The following TMEM217 variants were observed in gnomAD, a reference collection of about 807,000 sequenced individuals.
TMEM217 encodes chromosome 6 open reading frame 128.
For missense variants in TMEM217, 204 were observed against 248.8 expected, an observed-to-expected ratio of 0.82 and a Z score of 1.21; for synonymous variants, 76 against 88.3, an observed-to-expected ratio of 0.86 and a Z score of 0.78.
At chr6:37,257,760 G>A (rs1747543624) in exon 1 of TMEM217, 1 of 745,948 alleles carries the variant, frequency 1.3e-6, no homozygotes, top group African/African-American at 1.8e-5. Context: ...GGTGCTGGGT[G>A]GAGGGGTGCC....
intron 1 of TMEM217, among the ~76,000 whole-genome samples, chr6:37,240,954 T>C (rs1764736697): frequency 6.6e-6 from 1 of 152,200 alleles, no homozygotes; most frequent in Non-Finnish European, 1.5e-5. Context: ...TATTGATTAT[T>C]CCTAAGGTTG....
rs767559934 is a variant in TMEM217 at position 37,246,022 on chromosome 6, G to A, written c.-12+11546C>T. ...TCTCCATGTTGGTCAGGCTGGTCTC[G>A]AACTCTTGACCTCAAGTGATCCACC... On this transcript the variant is annotated intron_variant, in intron 1 of 1. Transcript: ENST00000357219. Among the ~76,000 whole-genome samples the A allele has an allele frequency of 5.3e-5, 8 of 152,032 alleles. No homozygotes were observed. In the South Asian group the frequency reaches 1.5e-3, roughly 28 times the overall value.
chr6:37,232,418 C>T (rs926270641), intron 1 of TMEM217, among the ~76,000 whole-genome samples: 2 of 152,188 alleles, frequency 1.3e-5, no homozygotes, highest in African/African-American at 2.4e-5. Flanking sequence ...CGGAGTCTCG[C>T]TCTGTCGCCC....
At position 37,218,556 on chromosome 6, in the gene TMEM217, G is replaced by A. The variant is rs1763348129; in HGVS notation, c.475C>T (p.Gln159Ter). 1 of 1,614,142 alleles carries A rather than the reference G, an allele frequency of 6.2e-7. No individual in the cohort carries two copies. Reference sequence around the variant, plus strand: ...CTCTTGTAGGAAATTATATTGCCCTGGCTCCGGTTTTTGTAGGTTATGTGG... The same window carrying A: ...CTCTTGTAGGAAATTATATTGCCCTAGCTCCGGTTTTTGTAGGTTATGTGG... The change falls in exon 2 of 2, where the codon CAG (glutamine) becomes TAG (stop). Residue 159 changes from glutamine (Q) to a stop codon, truncating the protein, a stop_gained. Coordinates refer to ENST00000357219, the Ensembl canonical transcript of TMEM217. LOFTEE classifies it low-confidence loss of function (END_TRUNC).
At chr6:37,229,492 G>A (rs1223378130) in intron 1 of TMEM217, among the ~76,000 whole-genome samples, 1 of 151,762 alleles carries the variant, frequency 6.6e-6, no homozygotes, top group South Asian at 2.1e-4. Context: ...ACAGGCGCCC[G>A]CCACCACGCC....
At chr6:37,224,229 G>A (rs898193677) in intron 1 of TMEM217, among the ~76,000 whole-genome samples, 7 of 150,288 alleles carry the variant, frequency 4.7e-5, no homozygotes, top group Admixed American at 1.3e-4. Flanking sequence ...GTGAGCCACC[G>A]CGCCCGGCCT....
chr6:37,247,769 C>T (rs1004378611), intron 1 of TMEM217, among the ~76,000 whole-genome samples: 1 of 152,132 alleles, frequency 6.6e-6, no homozygotes, highest in African/African-American at 2.4e-5. Context: ...AGAATTATCC[C>T]CTGTAAGTGT....
upstream of TMEM217, chr6:37,258,139 C>G (rs1765890923): frequency 1.3e-6 from 1 of 751,286 alleles, no homozygotes; most frequent in Non-Finnish European, 2.1e-6. Context: ...AAGCGAACAG[C>G]GAGCTTTGGG....
intron 1 of TMEM217, among the ~76,000 whole-genome samples, chr6:37,242,027 T>G (rs1764792851): frequency 6.8e-6 from 1 of 147,188 alleles, no homozygotes; most frequent in Non-Finnish European, 1.5e-5. Context: ...TTTTTTTTTT[T>G]GCCTGCTCTT....
At chr6:37,232,488 C>G (rs569448803) in intron 1 of TMEM217, among the ~76,000 whole-genome samples, 1 of 152,314 alleles carries the variant, frequency 6.6e-6, no homozygotes, top group South Asian at 2.1e-4. Flanking sequence ...GGGGTTCACG[C>G]CATTCTCCTG....
chr6:37,257,570 G>C, exon 1 of TMEM217: 1 of 351,986 alleles, frequency 2.8e-6, no homozygotes, highest in Non-Finnish European at 5.3e-6. Context: ...TACCTTACCT[G>C]CTTCTTCCCT....
At chr6:37,254,127 GC>G (rs1562029271) in intron 1 of TMEM217, among the ~76,000 whole-genome samples, 1 of 152,222 alleles carries the variant, frequency 6.6e-6, no homozygotes, top group East Asian at 1.9e-4. Context: ...CCATGGATCA[GC>G]AGCATCAGTG....
chr6:37,215,597 A>AAAAAAAG (rs1561998656), downstream of TMEM217, among the ~76,000 whole-genome samples: 5 of 146,882 alleles, frequency 3.4e-5, no homozygotes, highest in African/African-American at 1.0e-4. Flanking sequence ...AAAAAAAAAA[A>AAAAAAAG]AAAAGAAAAG....
At chr6:37,231,324 C>T (rs1452308554) in intron 1 of TMEM217, among the ~76,000 whole-genome samples, 1 of 149,666 alleles carries the variant, frequency 6.7e-6, no homozygotes, top group Non-Finnish European at 1.5e-5. Flanking sequence ...CCTGCCTCAG[C>T]CTCCCAAAGT....
At chr6:37,217,122 C>T (rs145691226), downstream of TMEM217, among the ~76,000 whole-genome samples, 35 of 152,300 alleles carry the variant, frequency 2.3e-4, no homozygotes, top group African/African-American at 7.2e-4. Flanking sequence ...GGGGAAACCC[C>T]GTCTCTACTA....
chr6:37,237,132 A>G (rs1198115691), intron 1 of TMEM217, among the ~76,000 whole-genome samples: 1 of 152,222 alleles, frequency 6.6e-6, no homozygotes, highest in African/African-American at 2.4e-5. Context: ...CACCAAGGCC[A>G]TATTCAAGGG....
At chr6:37,218,637 A>G (rs1763353523) in exon 2 of TMEM217, 1 of 1,614,178 alleles carries the variant, frequency 6.2e-7, no homozygotes, top group Non-Finnish European at 8.5e-7. Flanking sequence ...CGAGACACCA[A>G]GCCAAACCAG....
At chr6:37,249,412 CAGGT>C (rs1765273357) in intron 1 of TMEM217, among the ~76,000 whole-genome samples, 1 of 152,050 alleles carries the variant, frequency 6.6e-6, no homozygotes, top group African/African-American at 2.4e-5. Context: ...CTCCACTTTC[CAGGT>C]TCAAGCAATT....
At chr6:37,257,369 G>A (rs1465503489) in intron 1 of TMEM217, among the ~76,000 whole-genome samples, 199 bp downstream of exon 1, 1 of 152,158 alleles carries the variant, frequency 6.6e-6, no homozygotes, top group South Asian at 2.1e-4. Context: ...GGAAAGGAGG[G>A]TAATAACCAG....
Sources: gnomAD v4.1 joint callset for allele counts (sites outside exome capture counted in the v4.1 genomes callset) on GRCh38, gnomAD v4.1.1 for gene constraint, MANE v1.5 for transcripts, NCBI Gene and HGNC (gene_info 2026-07-23, HGNC 2026-07-21) for gene names.